Variants in MEAF6 observed in about 807,000 individuals in gnomAD.
MEAF6 encodes MYST/Esa1 associated factor 6, also known as chromatin modification-related protein MEAF6.
Under a neutral mutation model 28.9 loss-of-function variants are expected in MEAF6, and 15 were observed. The observed-to-expected ratio is 0.52, with a 90% CI of 0.35 to 0.80. The LOEUF (loss-of-function observed/expected upper bound fraction) is 0.80, where lower values mean the gene tolerates loss of function less well. Ranked by LOEUF, MEAF6 falls within the 30% of genes least tolerant of loss-of-function variation. The probability of loss-of-function intolerance (pLI) is 0.01; values close to 1 mark genes in which losing one functional copy is unlikely to be tolerated. For synonymous variants in MEAF6, 97 were observed against 88.7 expected (o/e 1.09, Z -0.53); for missense variants, 178 against 237.5 (o/e 0.75, Z 1.65).
chr1:37,507,021 T>C (rs1033338547), intron 4 of MEAF6, among the ~76,000 whole-genome samples: 1 of 152,272 alleles, frequency 6.6e-6, no homozygotes, highest in East Asian at 1.9e-4. Flanking sequence ...TACAGGCTCA[T>C]GTGAAAACTA....
chr1:37,504,184 C>T (rs1411478602), intron 4 of MEAF6, among the ~76,000 whole-genome samples: 1 of 152,154 alleles, frequency 6.6e-6, no homozygotes, highest in South Asian at 2.1e-4. Context: ...CTCTCTCCTA[C>T]TGCCTTGTGA....
intron 5 of MEAF6, among the ~76,000 whole-genome samples, chr1:37,498,119 GTGCTAAAACAATA>G (rs1642179243): frequency 6.6e-6 from 1 of 152,192 alleles, no homozygotes; most frequent in Admixed American, 6.5e-5. Context: ...CTACATTTAG[GTGCTAAAACAATA>G]TGCAAATGGC....
rs1285000555 is a variant in MEAF6 at position 37,491,952 on chromosome 1, G to A, written c.*2147C>T. On this transcript the variant is annotated 3_prime_UTR_variant, in exon 7 of 7. Transcript: ENST00000296214. ...TTTTTTGACAGAGTCTCGCTCTGTC[G>A]CCCAGGCTGCTGGAGTGCAGTGGCG... Among the ~76,000 whole-genome samples, 2 of 142,050 alleles carry A rather than the reference G, an allele frequency of 1.4e-5. No individual in the cohort carries two copies. Among genetic ancestry groups the A allele is most frequent in the African/African-American group, 2.6e-5 (1 of 38,228 alleles). 93.2% of individuals were successfully genotyped at this position (142,050 alleles called of 152,430 possible).
chr1:37,498,236 G>A (rs989814882), intron 5 of MEAF6, among the ~76,000 whole-genome samples: 6 of 152,016 alleles, frequency 3.9e-5, no homozygotes, highest in African/African-American at 1.4e-4. Context: ...TAGACATTTG[G>A]GAGAGTATAC....
chr1:37,513,893 G>A, intron 1 of MEAF6: 1 of 319,786 alleles, frequency 3.1e-6, no homozygotes, highest in Non-Finnish European at 5.7e-6. Flanking sequence ...ACCAGGAGAG[G>A]GAAAGGTGAG....
intron 4 of MEAF6, among the ~76,000 whole-genome samples, chr1:37,503,867 G>A (rs924898146): frequency 1.3e-5 from 2 of 152,052 alleles, no homozygotes; most frequent in Admixed American, 1.3e-4. Context: ...GCTGAGGCAG[G>A]GAGAATTGCT....
intron 2 of MEAF6, among the ~76,000 whole-genome samples, chr1:37,510,758 T>G (rs1304865693): frequency 6.6e-6 from 1 of 152,094 alleles, no homozygotes; most frequent in Admixed American, 6.6e-5. Flanking sequence ...GTTTCACTCT[T>G]GTTGCCCAGG....
intron 5 of MEAF6, chr1:37,496,592 C>T (rs1478703446): frequency 6.7e-7 from 1 of 1,500,510 alleles, no homozygotes. Context: ...CCAGCCTAAC[C>T]TAATATACAT....
At position 37,497,011 on chromosome 1, in the gene MEAF6, C is replaced by T. The variant is rs567086674; in HGVS notation, c.534-1093G>A. On this transcript the variant is annotated intron_variant, in intron 5 of 6. Transcript: ENST00000296214. ...GAGCCCTTTTATTAGCTGCCAAATT[C>T]GGAGTTAGAACTTTTAAAATATTTA... is the stretch of plus-strand genomic sequence containing the variant. Among the ~76,000 whole-genome samples the T allele has an allele frequency of 1.8e-3, 272 of 152,114 alleles. 1 individual carries two copies. Among genetic ancestry groups the T allele is most frequent in the Non-Finnish European group, 1.0e-3 (70 of 68,000 alleles).
chr1:37,495,893 G>GT lies in MEAF6; in HGVS notation c.558dup (p.Pro187ThrfsTer4). ...GTCCGGCTGATACTTACAGCTCGTG[G>GT]TTTTTTGTTTAACTTCAGATCAATC... On this transcript the variant is annotated frameshift_variant, in exon 6 of 7. Transcript: ENST00000296214. LOFTEE classifies it high-confidence loss of function. 3.7e-6 allele frequency: 6 copies of GT among 1,613,972 alleles called. No individual in the cohort carries two copies. The highest frequency in any genetic ancestry group is 5.1e-6 in the Non-Finnish European group (6 of 1,179,966).
intron 2 of MEAF6, among the ~76,000 whole-genome samples, chr1:37,512,955 C>T (rs1379470442): frequency 1.3e-5 from 2 of 151,886 alleles, no homozygotes; most frequent in Non-Finnish European, 2.9e-5. Context: ...CTTTGGGAGG[C>T]CAAGGCAGCA....
At chr1:37,514,609 G>C in intron 1 of MEAF6, 48 bp downstream of exon 1, 1 of 1,407,970 alleles carries the variant, frequency 7.1e-7, no homozygotes, top group Non-Finnish European at 9.4e-7. Flanking sequence ...CTGGAGGCGG[G>C]GCGGGCGCGG....
Position 37,500,080 on chromosome 1 carries a change from G to C in MEAF6, c.533+1724C>G, listed in dbSNP as rs183579751. Among the ~76,000 whole-genome samples the C allele has an allele frequency of 3.3e-3, 501 of 152,328 alleles. 3 individuals carry two copies. The highest frequency in any genetic ancestry group is 6.1e-3 in the Non-Finnish European group (413 of 68,030). On this transcript the variant is annotated intron_variant, in intron 5 of 6. Coordinates refer to ENST00000296214, the MANE Select transcript of MEAF6 (RefSeq NM_001270875.3). ...CCAGCACTTTGGGAGGCCGAGGCAG[G>C]TGGATCACCTGAGGCCAGTAGTTCA...
chr1:37,502,124 TGTTGACAGAGAAGATAC>T, intron 4 of MEAF6, 128 bp from the exon 5 acceptor site: 1 of 38,650 alleles, frequency 2.6e-5, no homozygotes, highest in Non-Finnish European at 6.4e-5. Context: ...AGAAGATACA[TGTTGACAGAGAAGATAC>T]ATGTTGACAG....
Position 37,495,326 on chromosome 1 carries a change from G to A in MEAF6, c.567+559C>T, listed in dbSNP as rs188816932. 8.9e-3 allele frequency among the ~76,000 whole-genome samples: 1,251 copies of A among 140,950 alleles called. 27 individuals are homozygous for A. The highest frequency in any genetic ancestry group is 0.031 in the African/African-American group (1,199 of 38,670). The allele number at this position is 140,950 out of a possible 152,430, so 92.5% of individuals were successfully genotyped here. Reference sequence around the variant, plus strand: ...AGCCTGGGCAACAGAGCAAGACTCCGTCTCAAAAAATAAATAAATAAATAA... The same window carrying A: ...AGCCTGGGCAACAGAGCAAGACTCCATCTCAAAAAATAAATAAATAAATAA... On this transcript the variant is annotated intron_variant, in intron 6 of 6. Coordinates refer to ENST00000296214, the MANE Select transcript of MEAF6 (RefSeq NM_001270875.3).
At chr1:37,503,753 C>G (rs1472009044) in intron 4 of MEAF6, among the ~76,000 whole-genome samples, 1 of 151,248 alleles carries the variant, frequency 6.6e-6, no homozygotes, top group East Asian at 1.9e-4. Context: ...CACCTGAGGT[C>G]AGGAGTTCAA....
intron 5 of MEAF6, chr1:37,496,813 C>CT: frequency 6.9e-7 from 1 of 1,455,958 alleles, no homozygotes; most frequent in Non-Finnish European, 9.2e-7. Context: ...ATTAGCCACC[C>CT]TAGCAAGAAT....
intron 5 of MEAF6, among the ~76,000 whole-genome samples, chr1:37,497,586 ATTTAT>A (rs976738249): frequency 5.3e-5 from 8 of 149,836 alleles, no homozygotes; most frequent in African/African-American, 1.7e-4. Flanking sequence ...GTATTTATTT[ATTTAT>A]TTATTTATTT....
intron 2 of MEAF6, among the ~76,000 whole-genome samples, chr1:37,511,683 T>C (rs1445249463): frequency 1.3e-5 from 2 of 152,192 alleles, no homozygotes; most frequent in Non-Finnish European, 2.9e-5. Flanking sequence ...TTTGCAAAAA[T>C]GTTTAAAGGA....
Sources: allele counts gnomAD v4.1 joint callset (sites outside exome capture counted in the v4.1 genomes callset), GRCh38; gene constraint gnomAD v4.1.1; transcripts MANE v1.5; gene names NCBI Gene and HGNC (gene_info 2026-07-23, HGNC 2026-07-21).